Variants in SF3B1 observed in about 807,000 individuals in gnomAD.
SF3B1 encodes the protein pre-mRNA processing 10.
A neutral mutation model predicts 153.8 loss-of-function variants in SF3B1; 12 were observed. The ratio of observed to expected loss-of-function variants is 0.08; its 90% CI spans 0.05 to 0.13. The LOEUF is 0.13. Ranked by LOEUF, SF3B1 falls within the 10% of genes least tolerant of loss-of-function variation. SF3B1 has a pLI of 1.00. For synonymous variants in SF3B1, 498 were observed against 525.2 expected, an observed-to-expected ratio of 0.95 and a Z score of 0.71; for missense variants, 513 against 1,606.1, an observed-to-expected ratio of 0.32 and a Z score of 11.63.
chr2:197,428,200 A>G (rs953608044), intron 1 of SF3B1, among the ~76,000 whole-genome samples: 1 of 152,090 alleles, frequency 6.6e-6, no homozygotes, highest in Non-Finnish European at 1.5e-5. Context: ...GCACACCTGT[A>G]GTCCCAGATA....
chr2:197,397,622 C>T (rs902518597), intron 22 of SF3B1, among the ~76,000 whole-genome samples: 7 of 152,106 alleles, frequency 4.6e-5, no homozygotes, highest in Non-Finnish European at 1.0e-4. Context: ...ATGGTGAAAC[C>T]TCATCTCTAC....
At chr2:197,406,109 C>CA (rs1553564258) in intron 9 of SF3B1, among the ~76,000 whole-genome samples, 1 of 124,464 alleles carries the variant, frequency 8.0e-6, no homozygotes, top group Non-Finnish European at 1.7e-5. Context: ...AAGCTGGTAA[C>CA]AGACTTCAAA....
chr2:197,423,751 C>T, intron 2 of SF3B1, 57 bp downstream of exon 2: 2 of 1,535,130 alleles, frequency 1.3e-6, no homozygotes, highest in Non-Finnish European at 1.8e-6. Context: ...AAAAGTTATT[C>T]ATATTTCTTG....
Position 197,432,490 on chromosome 2 carries a change from C to T in SF3B1, c.28+2482G>A, listed in dbSNP as rs192289972. Among the ~76,000 whole-genome samples, 4 of 152,298 alleles carry T rather than the reference C, an allele frequency of 2.6e-5. No homozygotes were observed. The East Asian group carries it at 7.7e-4, about 29-fold the overall frequency. ...AGTAATTCCAGTTCTTTTTATATTTCAATCCTGGAAAGCATAAGCCACATT... is the reference window on the plus strand; with the variant it reads ...AGTAATTCCAGTTCTTTTTATATTTTAATCCTGGAAAGCATAAGCCACATT... On this transcript the variant is annotated intron_variant, in intron 1 of 24. Transcript: ENST00000335508.
intron 23 of SF3B1, 136 bp from the exon 24 acceptor site, chr2:197,393,324 G>A (rs1035596691): frequency 6.2e-6 from 4 of 643,300 alleles, no homozygotes; most frequent in African/African-American, 5.5e-5. Flanking sequence ...TCAGTGCACT[G>A]AATAGATGTG....
At position 197,402,110 on chromosome 2, in the gene SF3B1, T is replaced by C. The variant is rs559063155; in HGVS notation, c.2098A>G (p.Lys700Glu). ...IEHGLVDEQQ[K>E]VRTISALAIA... ...GCCAAAGCACTGATGGTCCGAACTT[T>C]CTGCTGCTCATCCACAAGACCTACA... The change falls in exon 15 of 25, where the codon AAA (lysine) becomes GAA (glutamate). Residue 700 changes from lysine to glutamate, a missense_variant. Coordinates refer to ENST00000335508, the MANE Select transcript of SF3B1 (RefSeq NM_012433.4). This position sits in a 1 kb window ranked among gnomAD's most constrained non-coding sequence, Gnocchi z 4.6. The C allele has an allele frequency of 4.5e-5, 72 of 1,604,090 alleles. No individual in the cohort carries two copies. The highest frequency in any genetic ancestry group is 5.1e-5 in the Non-Finnish European group (60 of 1,174,390).
chr2:197,397,765 C>G (rs2084893399), intron 22 of SF3B1, among the ~76,000 whole-genome samples: 1 of 151,858 alleles, frequency 6.6e-6, no homozygotes, highest in African/African-American at 2.4e-5. Flanking sequence ...TCACTGCATT[C>G]CAGCCAGGGT....
rs532537621 is a variant in SF3B1, at chr2:197,402,941, G to T, written c.1806+8C>A. On this transcript the variant is annotated splice_region_variant and intron_variant, in intron 13 of 24. Coordinates refer to ENST00000335508, the MANE Select transcript of SF3B1 (RefSeq NM_012433.4). This position sits in a 1 kb window ranked among gnomAD's most constrained non-coding sequence, Gnocchi z 4.6. ...AAATTTTCTTCTCTAGAAATTAAATGTAAATACCTTTGCCAAATTAGAAAT... is the reference window on the plus strand; with the variant it reads ...AAATTTTCTTCTCTAGAAATTAAATTTAAATACCTTTGCCAAATTAGAAAT... The T allele has an allele frequency of 1.2e-5, 19 of 1,611,766 alleles. No individual in the cohort carries two copies. Among genetic ancestry groups the T allele is most frequent in the Non-Finnish European group, 1.5e-5 (18 of 1,178,150 alleles).
intron 1 of SF3B1, among the ~76,000 whole-genome samples, chr2:197,432,938 T>G (rs901720675): frequency 2.0e-5 from 3 of 152,214 alleles, no homozygotes; most frequent in African/African-American, 7.2e-5. Flanking sequence ...TAGTTATCAG[T>G]TTATCTCAAT....
chr2:197,410,307 C>T (rs1331036419), intron 6 of SF3B1, among the ~76,000 whole-genome samples: 4 of 152,060 alleles, frequency 2.6e-5, no homozygotes, highest in Admixed American at 6.6e-5. Flanking sequence ...TGGGGGAAAT[C>T]ACTGAGGTTT....
At chr2:197,418,737 T>C in intron 4 of SF3B1, 149 bp from the exon 5 acceptor site, 1 of 1,452,276 alleles carries the variant, frequency 6.9e-7, no homozygotes, top group Non-Finnish European at 9.1e-7. Context: ...TTATACATCT[T>C]ACTTTTTATT....
rs746193152 is a variant in SF3B1 at position 197,405,377 on chromosome 2, G to T, written c.1335C>A (p.His445Gln). ...TCATAGTTCGATCTTCAGTTTGCAT[G>T]TGGAAACCAGTCATACCACCCAAAG... is the stretch of plus-strand genomic sequence containing the variant. The part of the protein sequence containing the change: ...PTPLGGMTGF[H>Q]MQTEDRTMKS... Residue 445 changes from histidine (H) to glutamine (Q), a missense_variant, in exon 10 of 25, where the codon CAC becomes CAA. Transcript: ENST00000335508. The T allele has an allele frequency of 6.2e-7, 1 of 1,613,944 alleles. No individual in the cohort carries two copies. The highest frequency in any genetic ancestry group is 1.7e-5 in the Admixed American group (1 of 60,016).
chr2:197,420,898 T>G (rs1377905593), intron 3 of SF3B1, 131 bp downstream of exon 3: 1 of 629,300 alleles, frequency 1.6e-6, no homozygotes, highest in Non-Finnish European at 2.7e-6. Context: ...AGAAAAAGAT[T>G]ACACCTTTAC....
chr2:197,398,365 T>C, intron 21 of SF3B1, 96 bp downstream of exon 21: 3 of 1,279,740 alleles, frequency 2.3e-6, no homozygotes, highest in South Asian at 1.2e-5. Flanking sequence ...TTTACACTTA[T>C]ATTAGTGACA....
upstream of SF3B1, chr2:197,435,079 T>G (rs1176673440): frequency 1.9e-6 from 3 of 1,609,086 alleles, no homozygotes; most frequent in East Asian, 4.5e-5. Context: ...GAAAAATAGC[T>G]GGGGGCTGCA....
In SF3B1 at chr2:197,390,204, A is replaced by C. The variant is rs2084794953; in HGVS notation, c.*2099T>G. The C allele has an allele frequency of 6.6e-6, 1 of 152,210 alleles. No homozygotes were observed. Among genetic ancestry groups the C allele is most frequent in the Non-Finnish European group, 1.5e-5 (1 of 68,036 alleles). The allele number at this position is 152,210 out of a possible 1,614,324, so 9.4% of individuals were successfully genotyped here. On this transcript the variant is annotated 3_prime_UTR_variant, in exon 25 of 25. Transcript: ENST00000335508. ...CTCAAATTATTTGCATCAGTAAAAA[A>C]AGTTAATTAAGGTGTAACAGTCTCC...
At chr2:197,419,108 G>T in intron 4 of SF3B1, 1 of 592,698 alleles carries the variant, frequency 1.7e-6, no homozygotes, top group South Asian at 2.6e-5. Flanking sequence ...TAGAAAATCT[G>T]ATTTTAAAAA....
At chr2:197,425,142 G>A (rs1399903615) in intron 1 of SF3B1, among the ~76,000 whole-genome samples, 2 of 151,670 alleles carry the variant, frequency 1.3e-5, no homozygotes, top group Admixed American at 6.6e-5. Flanking sequence ...TGGGCAAAGA[G>A]CAAAACTCAT....
intron 2 of SF3B1, among the ~76,000 whole-genome samples, chr2:197,421,973 T>C (rs1026400813): frequency 2.0e-5 from 3 of 151,908 alleles, no homozygotes; most frequent in African/African-American, 4.8e-5. Flanking sequence ...GAGCAAGACT[T>C]TGTCTCCAAA....
Sources: gnomAD v4.1 joint callset for allele counts (sites outside exome capture counted in the v4.1 genomes callset) on GRCh38, gnomAD v4.1.1 for gene constraint, Gnocchi (gnomAD v3.1) non-coding constraint, MANE v1.5 for transcripts, NCBI Gene and HGNC (gene_info 2026-07-23, HGNC 2026-07-21) for gene names.